The following VWDE variants were observed in gnomAD, a reference collection of about 807,000 sequenced individuals.
VWDE encodes the protein von Willebrand factor D and EGF domain-containing protein.
A neutral mutation model predicts 178.4 loss-of-function variants in VWDE; 207 were observed. The ratio of observed to expected loss-of-function variants is 1.16; its 90% CI spans 1.04 to 1.30. The LOEUF (loss-of-function observed/expected upper bound fraction) is 1.30. Ranked by LOEUF, VWDE falls within the 50% of genes most tolerant of loss-of-function variation. The pLI is 0.00. For missense variants in VWDE, 2,287 were observed against 1,901.3 expected, an observed-to-expected ratio of 1.20 and a Z score of -3.77; for synonymous variants, 738 against 651.4, an observed-to-expected ratio of 1.13 and a Z score of -2.02.
chr7:12,386,104 C>A (rs1323200134), intron 3 of VWDE, among the ~76,000 whole-genome samples: 1 of 151,968 alleles, frequency 6.6e-6, no homozygotes, highest in Non-Finnish European at 1.5e-5. Context: ...GTTTCTTAAA[C>A]TAATATAGAT....
chr7:12,371,285 G>A (rs77895864), intron 10 of VWDE, among the ~76,000 whole-genome samples: 1,629 of 152,154 alleles, frequency 0.011, 37 homozygotes, highest in African/African-American at 0.038. Context: ...ACATGTTCCC[G>A]CAGCTAATTA....
intron 18 of VWDE, among the ~76,000 whole-genome samples, chr7:12,351,985 G>A (rs1422715438): frequency 6.6e-6 from 1 of 152,014 alleles, no homozygotes; most frequent in Non-Finnish European, 1.5e-5. Flanking sequence ...GAGATCATAA[G>A]AGTGGCACCC....
Position 12,361,402 on chromosome 7 carries a change from C to T in VWDE, c.3018G>A (p.Leu1006=). ...TDVQQFDTMD[L]VGGKPTGKWQ... is the part of the protein sequence containing the mutation. ...ACTTCCCAGTTGGTTTCCCACCCACCAGATCCATGGTATCAAACTGCTGAA... is the reference window on the plus strand; with the variant it reads ...ACTTCCCAGTTGGTTTCCCACCCACTAGATCCATGGTATCAAACTGCTGAA... Residue 1006 remains leucine, a synonymous_variant, in exon 14 of 29, where the codon CTG becomes CTA. Transcript: ENST00000275358. The T allele has an allele frequency of 1.9e-6, 3 of 1,550,744 alleles. No homozygotes were observed. The highest frequency in any genetic ancestry group is 2.6e-6 in the Non-Finnish European group (3 of 1,146,574).
intron 7 of VWDE, among the ~76,000 whole-genome samples, chr7:12,377,105 C>CAA (rs1432854540): frequency 6.6e-6 from 1 of 152,108 alleles, no homozygotes; most frequent in African/African-American, 2.4e-5. Context: ...TTGATCTCTA[C>CAA]ATCAGGGGCT....
chr7:12,375,063 G>T lies in VWDE; in HGVS notation c.1189C>A (p.Pro397Thr). The T allele has an allele frequency of 2.6e-6, 4 of 1,551,146 alleles. No individual in the cohort carries two copies. The highest frequency in any genetic ancestry group is 3.5e-6 in the Non-Finnish European group (4 of 1,146,662). Residue 397 changes from proline (P) to threonine (T), a missense_variant, in exon 8 of 29, where the codon CCA becomes ACA. Transcript: ENST00000275358. ...CACAGGAAATCCTCATTAACTATTG[G>T]TTGCACTACAATGTTTGAGACTCTA... Reference protein sequence around the residue: ...GDRVSNIVVQPIVNEDFLWNN... With the variant: ...GDRVSNIVVQTIVNEDFLWNN...
At chr7:12,366,999 G>C (rs1367958725) in intron 13 of VWDE, among the ~76,000 whole-genome samples, 3 of 151,908 alleles carry the variant, frequency 2.0e-5, no homozygotes, top group South Asian at 2.1e-4. Context: ...ATTTGTAAAA[G>C]GGAAATGTTC....
At position 12,357,596 on chromosome 7, in the gene VWDE, T is replaced by C. The variant is rs998115671; in HGVS notation, c.3275-81A>G. 38 of 1,445,970 alleles carry C rather than the reference T, an allele frequency of 2.6e-5. No individual in the cohort carries two copies. In the African/African-American group the frequency reaches 4.4e-4, roughly 17 times the overall value. 89.6% of individuals were successfully genotyped at this position (1,445,970 alleles called of 1,614,324 possible). A position where few individuals can be genotyped will look rare whatever the true frequency, so the allele number is the denominator to read the frequency against. On this transcript the variant is annotated intron_variant, in intron 16 of 28. Coordinates refer to ENST00000275358, the MANE Select transcript of VWDE (RefSeq NM_001135924.3). ...ACTTCTGAGAGCTCCCACAGAGATA[T>C]GCATTTTGATAAAGACTGAACTCTG...
At chr7:12,386,145 T>C (rs1018799724) in intron 3 of VWDE, among the ~76,000 whole-genome samples, 3 of 152,158 alleles carry the variant, frequency 2.0e-5, no homozygotes, top group African/African-American at 7.2e-5. Flanking sequence ...AAACACAGAA[T>C]TTTCCACAAA....
chr7:12,392,464 G>C (rs1784429529), intron 2 of VWDE, among the ~76,000 whole-genome samples: 1 of 152,140 alleles, frequency 6.6e-6, no homozygotes, highest in Admixed American at 6.6e-5. Flanking sequence ...AGTATGATAA[G>C]TAGAAATAAT....
At chr7:12,357,189 C>CT in intron 17 of VWDE, 76 bp downstream of exon 17, 13 of 1,491,550 alleles carry the variant, frequency 8.7e-6, no homozygotes. Context: ...AGCAATATGG[C>CT]TTGTATTTTA....
In VWDE at chr7:12,376,406, A is replaced by C. The variant is rs1783532518; in HGVS notation, c.1025-1179T>G. Among the ~76,000 whole-genome samples the C allele has an allele frequency of 2.0e-5, 3 of 152,100 alleles. No homozygotes were observed. The South Asian group carries it at 6.2e-4, about 31-fold the overall frequency. The stretch of plus-strand genomic sequence containing the variant: ...TCCAGAATTTTTTCTTCAACAAACA[A>C]AAGCCATTTTTAATTCTCAGAGAAT... On this transcript the variant is annotated intron_variant, in intron 7 of 28. Transcript: ENST00000275358.
chr7:12,363,217 C>A (rs564350756), intron 13 of VWDE, among the ~76,000 whole-genome samples: 79 of 152,156 alleles, frequency 5.2e-4, no homozygotes, highest in Middle Eastern at 3.4e-3. Flanking sequence ...GCAAACACTT[C>A]TCTTCCTGAA....
chr7:12,359,158 G>A (rs1782434260), intron 16 of VWDE, among the ~76,000 whole-genome samples: 1 of 152,096 alleles, frequency 6.6e-6, no homozygotes, highest in Non-Finnish European at 1.5e-5. Context: ...TTGAAACAAA[G>A]TATCTCAAAA....
At chr7:12,383,669 GA>G in intron 3 of VWDE, 68 bp from the exon 4 acceptor site, 1 of 1,280,302 alleles carries the variant, frequency 7.8e-7, no homozygotes, top group South Asian at 1.3e-5. Flanking sequence ...ATATATCCAA[GA>G]TGACAATTTA....
intron 12 of VWDE, among the ~76,000 whole-genome samples, chr7:12,369,327 C>T (rs898473440): frequency 6.6e-6 from 1 of 152,096 alleles, no homozygotes; most frequent in Non-Finnish European, 1.5e-5. Context: ...CCAGATCACA[C>T]TGTGCCTTCT....
intron 10 of VWDE, 77 bp downstream of exon 10, chr7:12,372,900 G>C (rs1349026733): frequency 2.2e-6 from 3 of 1,344,108 alleles, no homozygotes; most frequent in Non-Finnish European, 3.0e-6. Flanking sequence ...AAAAATGATA[G>C]CTCCTAATTT....
rs751346010 is a variant in VWDE at position 12,333,568 on chromosome 7, G to C, written c.4655C>G (p.Pro1552Arg). The change falls in exon 28 of 29, where the codon CCA becomes CGA. Residue 1552 changes from proline (P) to arginine (R), a missense_variant and splice_region_variant. Coordinates refer to ENST00000275358, the MANE Select transcript of VWDE (RefSeq NM_001135924.3). ...SSWEGVRCQI[P>R]ICNPKCLYGG... ...ATAAAGACATTTTGGGTTGCAAATT[G>C]CTGCAATACACAAATTTTTACAATG... 1 of 1,546,946 alleles carries C rather than the reference G, an allele frequency of 6.5e-7. No individual in the cohort carries two copies.
chr7:12,341,542 G>T (rs7811882), intron 23 of VWDE, among the ~76,000 whole-genome samples: 19,594 of 151,714 alleles, frequency 0.13, 1,480 homozygotes, highest in Non-Finnish European at 0.16. Context: ...TGAGGCAGGA[G>T]AATCACTTGA....
intron 3 of VWDE, among the ~76,000 whole-genome samples, chr7:12,384,244 A>T (rs547201917): frequency 6.6e-6 from 1 of 152,280 alleles, no homozygotes; most frequent in African/African-American, 2.4e-5. Context: ...AAAGAAGCCA[A>T]TCTGAAAAGG....
Sources: gnomAD v4.1 joint callset for allele counts (sites outside exome capture counted in the v4.1 genomes callset) on GRCh38, gnomAD v4.1.1 for gene constraint, MANE v1.5 for transcripts, NCBI Gene and HGNC (gene_info 2026-07-23, HGNC 2026-07-21) for gene names.